The following MMP10 variants were observed in gnomAD, a reference collection of about 807,000 sequenced individuals.
MMP10 encodes stromelysin-2.
Under a neutral mutation model 49.1 loss-of-function variants are expected in MMP10, and 50 were observed. The observed-to-expected ratio is 1.02, with a 90% CI of 0.81 to 1.29. MMP10 has a LOEUF of 1.29. MMP10 is among the 50% of genes most tolerant of loss of function. The probability of loss-of-function intolerance (pLI) is 0.00; values close to 1 mark genes in which losing one functional copy is unlikely to be tolerated. For synonymous variants in MMP10, 229 were observed against 201.6 expected, an observed-to-expected ratio of 1.14 and a Z score of -1.15; for missense variants, 613 against 563.8, an observed-to-expected ratio of 1.09 and a Z score of -0.88.
chr11:102,779,619 G>C lies in MMP10; in HGVS notation c.232C>G (p.Leu78Val). 1 of 1,614,052 alleles carries C rather than the reference G, an allele frequency of 6.2e-7. No individual in the cohort carries two copies. Among genetic ancestry groups the C allele is most frequent in the Non-Finnish European group, 8.5e-7 (1 of 1,180,016 alleles). Reference protein sequence around the residue: ...KFLGLEVTGKLDTDTLEVMRK... With the variant: ...KFLGLEVTGKVDTDTLEVMRK... ...ATCACCTCCAGAGTGTCAGTGTCTA[G>C]CTTCCCTGTCACCTCCAACCCAAGG... The change falls in exon 2 of 10, where the codon CTA becomes GTA. Residue 78 changes from leucine to valine, a missense_variant. Physicochemically the swap from Leu to Val is conservative, Grantham distance 32. Coordinates refer to ENST00000279441, the MANE Select transcript of MMP10 (RefSeq NM_002425.3).
At chr11:102,778,051 A>T (rs1191125438) in intron 4 of MMP10, among the ~76,000 whole-genome samples, 1 of 152,234 alleles carries the variant, frequency 6.6e-6, no homozygotes, top group East Asian at 1.9e-4. Context: ...TAAAAATTAA[A>T]TAGCATACAG....
At position 102,779,229 on chromosome 11, in the gene MMP10, G is replaced by T. The variant is rs1857789039; in HGVS notation, c.480C>A (p.Ile160=). ...TTTGATTACCTTTAACTGCAAAAGA[G>T]ATCATTATATCAGCCTCTCCTTCAT... ...RLYEGEADIM[I]SFAVKEHGDF... is the part of the protein sequence containing the mutation. The change falls in exon 3 of 10, where the codon ATC becomes ATA. Residue 160 remains isoleucine (I), a synonymous_variant. Transcript: ENST00000279441. 3.1e-6 allele frequency: 5 copies of T among 1,613,280 alleles called. No individual in the cohort carries two copies. Among genetic ancestry groups the T allele is most frequent in the Non-Finnish European group, 3.4e-6 (4 of 1,179,978 alleles).
rs1198787840 is a variant in MMP10 at position 102,770,856 on chromosome 11, C to A, written c.1368G>T (p.Glu456Asp). Residue 456 changes from glutamate to aspartate, a missense_variant, in exon 10 of 10, where the codon GAG becomes GAT. By Grantham distance (45) the Glu-to-Asp change is conservative (BLOSUM62 2). Coordinates refer to ENST00000279441, the MANE Select transcript of MMP10 (RefSeq NM_002425.3). ...FYFFSGSSQF[E>D]FDPNARMVTH... ...TCACCATCCTGGCATTGGGGTCAAA[C>A]TCAAACTGTGATGATCCACTGAAGA... is the stretch of plus-strand genomic sequence containing the variant. 5 of 1,612,994 alleles carry A rather than the reference C, an allele frequency of 3.1e-6. No individual in the cohort carries two copies. The highest frequency in any genetic ancestry group is 4.2e-6 in the Non-Finnish European group (5 of 1,179,408).
chr11:102,780,218 A>T (rs905449757), intron 1 of MMP10, among the ~76,000 whole-genome samples: 4 of 152,224 alleles, frequency 2.6e-5, no homozygotes, highest in African/African-American at 9.6e-5. Context: ...GAGGAGTTTC[A>T]TATATTCTCC....
chr11:102,771,856 C>T (rs1861979285), intron 9 of MMP10, among the ~76,000 whole-genome samples, 156 bp downstream of exon 9: 1 of 151,858 alleles, frequency 6.6e-6, no homozygotes, highest in Non-Finnish European at 1.5e-5. Flanking sequence ...TTTAAACCCA[C>T]TTTGCATAAA....
At position 102,773,012 on chromosome 11, in the gene MMP10, GA is replaced by G; in HGVS notation, c.1067-7del. 6.3e-7 allele frequency: 1 copy of G among 1,576,744 alleles called. No homozygotes were observed. The highest frequency in any genetic ancestry group is 8.6e-7 in the Non-Finnish European group (1 of 1,166,768). On this transcript the variant is annotated splice_region_variant and splice_polypyrimidine_tract_variant and intron_variant, in intron 7 of 9. Transcript: ENST00000279441. ...GATGGCCCAGAACTCATTTCCTATT[GA>G]AAAAATAAATCCAAGACATTTTACT...
chr11:102,770,805 C>T lies in MMP10; in HGVS notation c.1419G>A (p.Trp473Ter), dbSNP rs150990119. The change falls in exon 10 of 10, where the codon TGG becomes TGA. Residue 473 changes from tryptophan to a stop codon, truncating the protein, a stop_gained. Transcript: ENST00000279441. LOFTEE classifies it high-confidence loss of function. ...MVTHILKSNS[W>*]LHC is the part of the protein sequence containing the mutation. ...CCCCCTATCTCGCCTAGCAATGTAA[C>T]CAGCTGTTACTCTTTAATATGTGTG... 1.2e-6 allele frequency: 2 copies of T among 1,605,032 alleles called. No individual in the cohort carries two copies. Among genetic ancestry groups the T allele is most frequent in the African/African-American group, 1.3e-5 (1 of 74,618 alleles).
intron 3 of MMP10, among the ~76,000 whole-genome samples, 181 bp from the exon 4 acceptor site, chr11:102,778,930 C>T (rs1233651295): frequency 1.3e-5 from 2 of 152,170 alleles, no homozygotes; most frequent in African/African-American, 2.4e-5. Context: ...GTGATTATGT[C>T]GTAAGTGCTC....
chr11:102,773,118 A>C (rs1861991050), intron 7 of MMP10, 112 bp from the exon 8 acceptor site: 2 of 955,116 alleles, frequency 2.1e-6, no homozygotes, highest in Admixed American at 5.4e-5. Context: ...CAACCTAATA[A>C]TGTCCAGTTC....
intron 9 of MMP10, among the ~76,000 whole-genome samples, 194 bp downstream of exon 9, chr11:102,771,812 AACACAC>A (rs61090976): frequency 7.9e-4 from 118 of 150,130 alleles, no homozygotes; most frequent in African/African-American, 1.0e-3. Context: ...TATTCAGGAA[AACACAC>A]ACACACACAC....
chr11:102,776,174 C>A, intron 6 of MMP10, 106 bp downstream of exon 6: 1 of 972,042 alleles, frequency 1.0e-6, no homozygotes. Context: ...TGCACATGTA[C>A]CCCTGAACCT....
At chr11:102,775,420 A>T in intron 6 of MMP10, 99 bp from the exon 7 acceptor site, 1 of 1,009,560 alleles carries the variant, frequency 9.9e-7, no homozygotes, top group Non-Finnish European at 1.4e-6. Context: ...CCATTCATAG[A>T]AGTCTGTATT....
chr11:102,771,814 C>A (rs201821219), intron 9 of MMP10, among the ~76,000 whole-genome samples, 198 bp downstream of exon 9: 4 of 36,154 alleles, frequency 1.1e-4, no homozygotes, highest in South Asian at 1.7e-3. Flanking sequence ...TTCAGGAAAA[C>A]ACACACACAC....
rs1233832606 is a variant in MMP10, at chr11:102,772,860, C to A, written c.1213G>T (p.Asp405Tyr). Residue 405 changes from aspartate to tyrosine, a missense_variant, in exon 8 of 10, where the codon GAC becomes TAC. Coordinates refer to ENST00000279441, the MANE Select transcript of MMP10 (RefSeq NM_002425.3). This position sits in a 1 kb window ranked among gnomAD's most constrained non-coding sequence, Gnocchi z 4.4. ...EKKKTYFFAA[D>Y]KYWRFDENSQ... ...CTTGCATCTCACCTCCAGTATTTGT[C>A]CGCTGCAAAGAAGTATGTTTTCTTC... The A allele has an allele frequency of 7.5e-6, 12 of 1,610,428 alleles. No individual in the cohort carries two copies. Among genetic ancestry groups the A allele is most frequent in the Non-Finnish European group, 9.3e-6 (11 of 1,178,826 alleles).
intron 9 of MMP10, among the ~76,000 whole-genome samples, chr11:102,771,445 G>A (rs1198104713): frequency 6.6e-6 from 1 of 152,184 alleles, no homozygotes; most frequent in African/African-American, 2.4e-5. Context: ...AGCACTGGCA[G>A]CTCCCTCCAA....
In MMP10 at chr11:102,776,662, G is replaced by A. The variant is rs1297992403; in HGVS notation, c.737C>T (p.Ala246Val). Residue 246 changes from alanine (A) to valine (V), a missense_variant, in exon 5 of 10, where the codon GCC becomes GTC. Ala to Val is a moderately conservative substitution (Grantham distance 64, BLOSUM62 0). Transcript: ENST00000279441. ...YPLYNSFTEL[A>V]QFRLSQDDVN... is the part of the protein sequence containing the mutation. Reference sequence around the variant, plus strand: ...ATCATCTTGCGAAAGGCGGAACTGGGCGAGCTCTGTGAATGAGTTGTAGAG... The same window carrying A: ...ATCATCTTGCGAAAGGCGGAACTGGACGAGCTCTGTGAATGAGTTGTAGAG... 1.9e-6 allele frequency: 3 copies of A among 1,613,920 alleles called. No homozygotes were observed. The highest frequency in any genetic ancestry group is 2.7e-5 in the African/African-American group (2 of 74,994).
chr11:102,780,445 T>C (rs1209558937), intron 1 of MMP10, 42 bp downstream of exon 1: 9 of 1,548,324 alleles, frequency 5.8e-6, no homozygotes, highest in Admixed American at 5.0e-5. Flanking sequence ...GTAGACACAA[T>C]TGAGCTGGCC....
At chr11:102,777,018 C>A (rs1254719316) in intron 4 of MMP10, among the ~76,000 whole-genome samples, 1 of 152,124 alleles carries the variant, frequency 6.6e-6, no homozygotes, top group Admixed American at 6.6e-5. Flanking sequence ...CCTCCTTGGT[C>A]AGGAAAACTA....
Position 102,775,178 on chromosome 11 carries a change from T to C in MMP10, c.1066+10A>G, listed in dbSNP as rs557971193. 16 of 1,547,874 alleles carry C rather than the reference T, an allele frequency of 1.0e-5. No homozygotes were observed. In the South Asian group the frequency reaches 1.9e-4, roughly 18 times the overall value. On this transcript the variant is annotated intron_variant, in intron 7 of 9. Transcript: ENST00000279441. ...ATTCCAGCAAGTTGAAATTCTTATA[T>C]AGTACTCACCTTTAAAAATAAAAAC...
Sources: allele counts gnomAD v4.1 joint callset (sites outside exome capture counted in the v4.1 genomes callset), GRCh38; gene constraint gnomAD v4.1.1; non-coding constraint Gnocchi (gnomAD v3.1); transcripts MANE v1.5; gene names NCBI Gene and HGNC (gene_info 2026-07-23, HGNC 2026-07-21).